Variants in DCDC2 observed in about 807,000 individuals in gnomAD.
DCDC2 encodes the protein doublecortin domain-containing protein 2.
A neutral mutation model predicts 50.2 loss-of-function variants in DCDC2; 40 were observed. The observed-to-expected ratio is 0.80, with a 90% CI of 0.62 to 1.04. DCDC2 has a LOEUF of 1.04. Among genes scored for constraint, DCDC2 ranks in the 50% least tolerant of loss-of-function variants. DCDC2 has a pLI of 0.00. For synonymous variants in DCDC2, 234 were observed against 210.6 expected, an observed-to-expected ratio of 1.11 and a Z score of -0.96; for missense variants, 570 against 581.9, an observed-to-expected ratio of 0.98 and a Z score of 0.21.
chr6:24,310,354 A>G (rs1353577113), intron 2 of DCDC2, among the ~76,000 whole-genome samples: 1 of 152,108 alleles, frequency 6.6e-6, no homozygotes, highest in Non-Finnish European at 1.5e-5. Context: ...TGGGTATATA[A>G]TCTTCTATGG....
intron 7 of DCDC2, among the ~76,000 whole-genome samples, chr6:24,250,695 T>A (rs1762778445): frequency 6.6e-6 from 1 of 151,926 alleles, no homozygotes; most frequent in Non-Finnish European, 1.5e-5. Context: ...TTCTGCAAAG[T>A]GTCATTTTCC....
chr6:24,272,303 A>G (rs1023510799), intron 7 of DCDC2, among the ~76,000 whole-genome samples: 6 of 152,192 alleles, frequency 3.9e-5, no homozygotes, highest in Non-Finnish European at 7.3e-5. Flanking sequence ...GTGGCACAAT[A>G]TATCATTCCA....
chr6:24,199,100 T>C (rs376249990), intron 8 of DCDC2, among the ~76,000 whole-genome samples: 1 of 152,180 alleles, frequency 6.6e-6, no homozygotes, highest in East Asian at 1.9e-4. Flanking sequence ...GACTTAAACA[T>C]TCCTGCCTGC....
Position 24,288,872 on chromosome 6 carries a change from A to T in DCDC2, c.739T>A (p.Ser247Thr), listed in dbSNP as rs749455459. The T allele has an allele frequency of 6.2e-7, 1 of 1,609,246 alleles. No individual in the cohort carries two copies. Among genetic ancestry groups the T allele is most frequent in the Non-Finnish European group, 8.5e-7 (1 of 1,178,538 alleles). ...KASSLPPIVGSRKSKGSGNDR... is the reference protein window; with the variant it reads ...KASSLPPIVGTRKSKGSGNDR... ...CTTACACTCCCTTTAGACTTTCTGG[A>T]TCCTACAATAGGAGGTAGTGAAGAA... The change falls in exon 6 of 10, where the codon TCC (serine) becomes ACC (threonine). Residue 247 changes from serine to threonine, a missense_variant. Ser to Thr is a moderately conservative substitution (Grantham distance 58). Transcript: ENST00000378454.
intron 7 of DCDC2, among the ~76,000 whole-genome samples, chr6:24,229,534 G>C (rs1249705298): frequency 1.6e-4 from 24 of 151,966 alleles, no homozygotes; most frequent in Non-Finnish European, 2.9e-5. Context: ...TTTGGGGGCC[G>C]TTATTTTGCT....
the DCDC2 span, among the ~76,000 whole-genome samples, chr6:24,370,805 A>G: frequency 2.0e-5 from 3 of 152,268 alleles, no homozygotes; most frequent in African/African-American, 7.2e-5. Context: ...GAATGTTCAT[A>G]GAAGCATTAT....
chr6:24,253,733 C>G (rs1541190), intron 7 of DCDC2, among the ~76,000 whole-genome samples: 17,800 of 152,102 alleles, frequency 0.12, 1,156 homozygotes, highest in Middle Eastern at 0.17. Context: ...CTATATAGAG[C>G]ATTTACCATG....
At chr6:24,370,480 G>A in the DCDC2 span, among the ~76,000 whole-genome samples, 2 of 152,294 alleles carry the variant, frequency 1.3e-5, no homozygotes, top group South Asian at 4.1e-4. Flanking sequence ...GGCCAAGGCA[G>A]GAGGATCACT....
chr6:24,326,190 G>GAAGA (rs1193922205), intron 2 of DCDC2, among the ~76,000 whole-genome samples: 16 of 143,592 alleles, frequency 1.1e-4, no homozygotes, highest in African/African-American at 1.8e-4. Flanking sequence ...AGGAAGGAAG[G>GAAGA]AAGAAAGGAA....
chr6:24,281,033 G>A (rs1347437306), intron 6 of DCDC2, among the ~76,000 whole-genome samples: 3 of 152,046 alleles, frequency 2.0e-5, no homozygotes, highest in Admixed American at 1.3e-4. Flanking sequence ...AAAGGGGCAC[G>A]ACAAGGGAGA....
Position 24,178,902 on chromosome 6 carries a change from A to AT in DCDC2, c.1024-271_1024-270insA, listed in dbSNP as rs376955183. On this transcript the variant is annotated intron_variant, in intron 8 of 9. Coordinates refer to ENST00000378454, the MANE Select transcript of DCDC2 (RefSeq NM_016356.5). ...TGAGAAAACTAAACAGGTGGAGCCCAAGATCCCACAGAAAGAGCCAGAGTT... is the reference window on the plus strand; with the variant it reads ...TGAGAAAACTAAACAGGTGGAGCCCATAGATCCCACAGAAAGAGCCAGAGTT... Among the ~76,000 whole-genome samples, 451 of 152,326 alleles carry AT rather than the reference A, an allele frequency of 3.0e-3. 5 individuals are homozygous for AT. The South Asian group carries it at 0.046, about 16-fold the overall frequency.
intron 2 of DCDC2, among the ~76,000 whole-genome samples, chr6:24,329,843 C>T (rs1759936328): frequency 6.6e-6 from 1 of 152,174 alleles, no homozygotes; most frequent in African/African-American, 2.4e-5. Flanking sequence ...CAGGGAGAGG[C>T]TTGTGTTCAA....
intron 7 of DCDC2, among the ~76,000 whole-genome samples, chr6:24,207,656 G>A (rs540425823): frequency 1.3e-5 from 2 of 152,230 alleles, no homozygotes; most frequent in South Asian, 4.1e-4. Flanking sequence ...TTCATACCCT[G>A]TAGCTCCTTT....
At chr6:24,194,606 G>A (rs537339361) in intron 8 of DCDC2, among the ~76,000 whole-genome samples, 4 of 152,114 alleles carry the variant, frequency 2.6e-5, no homozygotes, top group Non-Finnish European at 4.4e-5. Flanking sequence ...TTTATTACTA[G>A]GGGCAGTTTA....
chr6:24,331,737 T>C (rs1220761196), intron 2 of DCDC2, among the ~76,000 whole-genome samples: 2 of 152,146 alleles, frequency 1.3e-5, no homozygotes, highest in Admixed American at 1.3e-4. Flanking sequence ...TGTAATAACA[T>C]ATTTCTACTT....
chr6:24,374,776 C>CTGAG, the DCDC2 span, among the ~76,000 whole-genome samples: 11 of 152,226 alleles, frequency 7.2e-5, no homozygotes, highest in African/African-American at 1.9e-4. Context: ...GGGTCTCTGA[C>CTGAG]TGAGACGCAG....
At chr6:24,209,829 A>C (rs1382738066) in intron 7 of DCDC2, among the ~76,000 whole-genome samples, 4 of 152,166 alleles carry the variant, frequency 2.6e-5, no homozygotes, top group Non-Finnish European at 5.9e-5. Flanking sequence ...AATGCAGAGC[A>C]CCTGGTGCTT....
At chr6:24,299,339 G>C (rs1300829251) in intron 4 of DCDC2, among the ~76,000 whole-genome samples, 3 of 152,212 alleles carry the variant, frequency 2.0e-5, no homozygotes, top group African/African-American at 7.2e-5. Flanking sequence ...GACTGCTAGA[G>C]AGGGGAGGGA....
At chr6:24,217,532 G>T (rs1210447133) in intron 7 of DCDC2, among the ~76,000 whole-genome samples, 2 of 152,200 alleles carry the variant, frequency 1.3e-5, no homozygotes, top group African/African-American at 4.8e-5. Context: ...GGTTTACGGT[G>T]TAAATGTGCA....
Sources: allele counts gnomAD v4.1 joint callset (sites outside exome capture counted in the v4.1 genomes callset), GRCh38; gene constraint gnomAD v4.1.1; transcripts MANE v1.5; gene names NCBI Gene and HGNC (gene_info 2026-07-23, HGNC 2026-07-21).